Variants in JAZF1 observed in about 807,000 individuals in gnomAD.
JAZF1 encodes juxtaposed with another zinc finger protein 1.
In JAZF1, 8 loss-of-function variants were observed where a neutral mutation model predicts 26.4. The ratio of observed to expected loss-of-function variants is 0.30; its 90% CI spans 0.18 to 0.55. JAZF1 has a LOEUF of 0.55. Among genes scored for constraint, JAZF1 ranks in the 20% least tolerant of loss-of-function variants. JAZF1 has a pLI of 0.94. For synonymous variants in JAZF1, 126 were observed against 122.3 expected, an observed-to-expected ratio of 1.03 and a Z score of -0.20; for missense variants, 199 against 322.0, an observed-to-expected ratio of 0.62 and a Z score of 2.92.
At chr7:28,104,476 G>A (rs1482745788) in intron 1 of JAZF1, among the ~76,000 whole-genome samples, 1 of 152,122 alleles carries the variant, frequency 6.6e-6, no homozygotes, top group Non-Finnish European at 1.5e-5. Flanking sequence ...GCCCTTACAT[G>A]TCTGAGTTAC....
At chr7:27,965,572 G>A (rs1029739607) in intron 2 of JAZF1, among the ~76,000 whole-genome samples, 2 of 152,160 alleles carry the variant, frequency 1.3e-5, no homozygotes, top group African/African-American at 4.8e-5. Context: ...ATTTCTATAT[G>A]AGACATCTTT....
At chr7:28,142,911 A>G (rs1466450083) in intron 1 of JAZF1, among the ~76,000 whole-genome samples, 9 of 152,140 alleles carry the variant, frequency 5.9e-5, no homozygotes, top group Admixed American at 4.6e-4. Context: ...AACCCTGCCT[A>G]GAGCTTCTTC....
Position 27,840,767 on chromosome 7 carries a change from G to A in JAZF1, c.486C>T (p.Ser162=). 1 of 1,614,206 alleles carries A rather than the reference G, an allele frequency of 6.2e-7. No homozygotes were observed. The highest frequency in any genetic ancestry group is 8.5e-7 in the Non-Finnish European group (1 of 1,180,030). Residue 162 remains serine (S), a synonymous_variant, in exon 4 of 5, where the codon TCC becomes TCT. Transcript: ENST00000283928. This position sits in a 1 kb window ranked among gnomAD's most constrained non-coding sequence, Gnocchi z 5.1. ...TCTCTTCCCCTCCATTCATGCACAT[G>A]GAGCTGAGGATGGCTTCGGAGCTGA... The part of the protein sequence containing the change: ...SAISSEAILS[S]MCMNGGEEKP...
intron 3 of JAZF1, among the ~76,000 whole-genome samples, chr7:27,886,840 G>A (rs554218397): frequency 6.6e-6 from 1 of 152,062 alleles, no homozygotes; most frequent in South Asian, 2.1e-4. Flanking sequence ...GCAAAGACAT[G>A]GAATCAACCC....
chr7:27,845,897 C>T (rs1268562586), intron 3 of JAZF1, among the ~76,000 whole-genome samples: 2 of 151,996 alleles, frequency 1.3e-5, no homozygotes, highest in Non-Finnish European at 2.9e-5. Context: ...TCCCTCTCTC[C>T]TCTACCCCAC....
At chr7:28,124,892 G>C (rs895089390) in intron 1 of JAZF1, among the ~76,000 whole-genome samples, 10 of 152,112 alleles carry the variant, frequency 6.6e-5, no homozygotes, top group Admixed American at 1.3e-4. Context: ...TGGCTCAAAG[G>C]GGCATTACAG....
chr7:27,946,422 A>G (rs1043173978), intron 2 of JAZF1, among the ~76,000 whole-genome samples: 1 of 152,204 alleles, frequency 6.6e-6, no homozygotes, highest in Admixed American at 6.5e-5. Flanking sequence ...ATTTAGCACC[A>G]GCTGACAAAG....
intron 1 of JAZF1, among the ~76,000 whole-genome samples, chr7:28,026,954 C>G (rs1431778917): frequency 6.6e-6 from 1 of 152,212 alleles, no homozygotes; most frequent in Admixed American, 6.5e-5. Context: ...TCACACCTTC[C>G]CTCCTATTCG....
In JAZF1 at chr7:28,014,845, G is replaced by T. The variant is rs543656931; in HGVS notation, c.116-22864C>A. 6.6e-5 allele frequency among the ~76,000 whole-genome samples: 10 copies of T among 152,284 alleles called. No individual in the cohort carries two copies. The South Asian group carries it at 2.1e-3, about 32-fold the overall frequency. On this transcript the variant is annotated intron_variant, in intron 1 of 4. Transcript: ENST00000283928. ...AAGTAAACAGGAAACTATGTTCTCTGAAAACACAGTCTGTTATTGGGAAGG... is the reference window on the plus strand; with the variant it reads ...AAGTAAACAGGAAACTATGTTCTCTTAAAACACAGTCTGTTATTGGGAAGG...
chr7:28,180,408 C>T, intron 1 of JAZF1, 55 bp downstream of exon 1: 1 of 1,442,946 alleles, frequency 6.9e-7, no homozygotes. Context: ...GGGCTCCCCG[C>T]CCGGGCAGGA....
At chr7:27,881,784 C>A (rs762985450) in intron 3 of JAZF1, among the ~76,000 whole-genome samples, 4 of 152,136 alleles carry the variant, frequency 2.6e-5, no homozygotes, top group Non-Finnish European at 5.9e-5. Flanking sequence ...TATCGAGGGC[C>A]TTTCCACCCC....
chr7:28,033,752 G>A (rs867996449), intron 1 of JAZF1, among the ~76,000 whole-genome samples: 2 of 151,876 alleles, frequency 1.3e-5, no homozygotes, highest in Admixed American at 6.6e-5. Flanking sequence ...CTCTTTTTTG[G>A]GGGGGCAATG....
At chr7:27,979,386 T>C in intron 2 of JAZF1, among the ~76,000 whole-genome samples, 1 of 128,412 alleles carries the variant, frequency 7.8e-6, no homozygotes, top group African/African-American at 2.9e-5. Flanking sequence ...TTTTTTTTTT[T>C]TTTTTTTTTT....
At chr7:27,996,293 T>C (rs1776759577) in intron 1 of JAZF1, among the ~76,000 whole-genome samples, 1 of 152,194 alleles carries the variant, frequency 6.6e-6, no homozygotes, top group South Asian at 2.1e-4. Flanking sequence ...AAGGGCAATG[T>C]GCTATTCGCA....
At chr7:27,916,169 A>G (rs1562528215) in intron 2 of JAZF1, among the ~76,000 whole-genome samples, 1 of 152,094 alleles carries the variant, frequency 6.6e-6, no homozygotes, top group African/African-American at 2.4e-5. Flanking sequence ...AGGAGTTCAT[A>G]ATAAAATACC....
chr7:28,026,227 C>T (rs970036299), intron 1 of JAZF1, among the ~76,000 whole-genome samples: 4 of 152,174 alleles, frequency 2.6e-5, no homozygotes, highest in Non-Finnish European at 4.4e-5. Flanking sequence ...AGGAAAAATG[C>T]TCCACAGGAA....
intron 2 of JAZF1, among the ~76,000 whole-genome samples, chr7:27,970,576 T>C (rs1048062489): frequency 6.6e-6 from 1 of 152,262 alleles, no homozygotes; most frequent in Non-Finnish European, 1.5e-5. Flanking sequence ...TATCTACGCA[T>C]GACTTTGTAC....
chr7:27,898,302 T>TAC lies in JAZF1; in HGVS notation c.189-2887_189-2886insGT, dbSNP rs1404674601. Among the ~76,000 whole-genome samples the TAC allele has an allele frequency of 6.2e-4, 60 of 97,352 alleles. 1 individual carries two copies. Among genetic ancestry groups the TAC allele is most frequent in the African/African-American group, 2.3e-3 (56 of 24,116 alleles). The allele number at this position is 97,352 out of a possible 152,430, so 63.9% of individuals were successfully genotyped here. ...CGTCTAACTCATATATATATATATA[T>TAC]ATACATCGGTTTTTTTTTTTTTTTT... is the stretch of plus-strand genomic sequence containing the variant. On this transcript the variant is annotated intron_variant, in intron 2 of 4. Transcript: ENST00000283928.
intron 1 of JAZF1, among the ~76,000 whole-genome samples, chr7:28,033,298 C>T (rs1167681503): frequency 2.0e-5 from 3 of 152,084 alleles, no homozygotes; most frequent in Non-Finnish European, 4.4e-5. Flanking sequence ...AGATTTGGAG[C>T]CTAGTGTGTA....
Sources: allele counts gnomAD v4.1 joint callset (sites outside exome capture counted in the v4.1 genomes callset), GRCh38; gene constraint gnomAD v4.1.1; non-coding constraint Gnocchi (gnomAD v3.1); transcripts MANE v1.5; gene names NCBI Gene and HGNC (gene_info 2026-07-23, HGNC 2026-07-21).